The following TERB1 variants were observed in gnomAD, a reference collection of about 807,000 sequenced individuals.
The protein encoded by TERB1 is telomere repeat binding bouquet formation protein 1.
In TERB1, 63 loss-of-function variants were observed where a neutral mutation model predicts 92.3. That is an observed-to-expected ratio of 0.68 (90% CI 0.56 to 0.84). The LOEUF (loss-of-function observed/expected upper bound fraction) is 0.84. Among genes scored for constraint, TERB1 ranks in the 40% least tolerant of loss-of-function variants. The probability of loss-of-function intolerance (pLI) is 0.00; values close to 1 mark genes in which losing one functional copy is unlikely to be tolerated. For missense variants in TERB1, 709 were observed against 843.7 expected (o/e 0.84, Z 1.98); for synonymous variants, 252 against 283.9 (o/e 0.89, Z 1.13).
At chr16:66,771,499 A>G (rs1334144942) in intron 13 of TERB1, among the ~76,000 whole-genome samples, 1 of 152,184 alleles carries the variant, frequency 6.6e-6, no homozygotes, top group Non-Finnish European at 1.5e-5. Context: ...AACTTTCCCT[A>G]AAGTTCACAG....
At chr16:66,764,442 G>T (rs183903950) in intron 16 of TERB1, among the ~76,000 whole-genome samples, 1 of 152,268 alleles carries the variant, frequency 6.6e-6, no homozygotes, top group Admixed American at 6.5e-5. Context: ...AGTGGAAGCA[G>T]GACAAAATTC....
At chr16:66,783,845 C>T (rs2018677643) in intron 9 of TERB1, among the ~76,000 whole-genome samples, 1 of 152,224 alleles carries the variant, frequency 6.6e-6, no homozygotes, top group Non-Finnish European at 1.5e-5. Context: ...GATCCTCCCA[C>T]CTTAGTCTCC....
chr16:66,780,896 T>TG (rs2145179841), intron 9 of TERB1, among the ~76,000 whole-genome samples: 1 of 152,324 alleles, frequency 6.6e-6, no homozygotes, highest in South Asian at 2.1e-4. Flanking sequence ...TTCAAACACT[T>TG]GAATATAGAT....
intron 2 of TERB1, among the ~76,000 whole-genome samples, chr16:66,799,613 A>G (rs1348357697): frequency 6.6e-6 from 1 of 152,062 alleles, no homozygotes; most frequent in Non-Finnish European, 1.5e-5. Flanking sequence ...TTGTTTTTAT[A>G]CTTTTTTCTT....
rs1393020704 is a variant in TERB1 at position 66,774,580 on chromosome 16, G to A, written c.1111+538C>T. Among the ~76,000 whole-genome samples, 6 of 152,126 alleles carry A rather than the reference G, an allele frequency of 3.9e-5. No homozygotes were observed. The East Asian group carries it at 9.7e-4, about 24-fold the overall frequency. On this transcript the variant is annotated intron_variant, in intron 12 of 18. Transcript: ENST00000433154. ...TCCTGCAAACTAAATTTGTGCACAC[G>A]GCATAAAATAGTGAATTATCTATAC...
At chr16:66,767,571 G>A in intron 15 of TERB1, 61 bp from the exon 16 acceptor site, 1 of 782,992 alleles carries the variant, frequency 1.3e-6, no homozygotes, top group Non-Finnish European at 2.1e-6. Flanking sequence ...ATATTTTCAG[G>A]ATTTATTAAA....
In TERB1 at chr16:66,785,884, G is replaced by C. The variant is rs937991112; in HGVS notation, c.602C>G (p.Ser201Cys). 2.8e-5 allele frequency: 44 copies of C among 1,546,618 alleles called. No individual in the cohort carries two copies. Among genetic ancestry groups the C allele is most frequent in the Non-Finnish European group, 3.7e-5 (42 of 1,144,972 alleles). The change falls in exon 9 of 19, where the codon TCC becomes TGC. Residue 201 changes from serine to cysteine, a missense_variant. Coordinates refer to ENST00000433154, the MANE Select transcript of TERB1 (RefSeq NM_001136505.2). ...QNDENQMFCC[S>C]LFPHANEWLK... is the part of the protein sequence containing the mutation. ...CCATTCATTAGCATGTGGAAAAAGGGAACAGCAAAACATTTGATTCTCATC... is the reference window on the plus strand; with the variant it reads ...CCATTCATTAGCATGTGGAAAAAGGCAACAGCAAAACATTTGATTCTCATC...
chr16:66,798,182 C>CTT (rs10653807), intron 2 of TERB1, among the ~76,000 whole-genome samples: 71,589 of 142,854 alleles, frequency 0.5, 18,408 homozygotes, highest in African/African-American at 0.63. Flanking sequence ...TTATTTTTGC[C>CTT]TTTTTTTTTT....
chr16:66,754,788 CTGA>C lies in TERB1; in HGVS notation c.*185_*187del, dbSNP rs1458600198. On this transcript the variant is annotated 3_prime_UTR_variant, in exon 19 of 19. Coordinates refer to ENST00000433154, the MANE Select transcript of TERB1 (RefSeq NM_001136505.2). ...AGGAATTTTCTTACTAATCTGTACA[CTGA>C]TGATATATTTGCTTTATAAATCATT... is the stretch of plus-strand genomic sequence containing the variant. 3.4e-6 allele frequency: 2 copies of C among 588,772 alleles called. No homozygotes were observed. Among genetic ancestry groups the C allele is most frequent in the South Asian group, 2.3e-5 (1 of 43,586 alleles). The allele number at this position is 588,772 out of a possible 1,614,324, so 36.5% of individuals were successfully genotyped here.
intron 16 of TERB1, among the ~76,000 whole-genome samples, chr16:66,761,121 A>AAG (rs1555507501): frequency 6.7e-6 from 1 of 150,012 alleles, no homozygotes; most frequent in African/African-American, 2.4e-5. Context: ...AAAAAAAAAA[A>AAG]AAAAAGAAAA....
At chr16:66,775,366 G>T (rs2018528524) in intron 11 of TERB1, 123 bp from the exon 12 acceptor site, 2 of 829,526 alleles carry the variant, frequency 2.4e-6, no homozygotes, top group Non-Finnish European at 3.6e-6. Flanking sequence ...AGGAACGGTG[G>T]CTCACTCTTG....
intron 3 of TERB1, among the ~76,000 whole-genome samples, chr16:66,794,560 T>C (rs2018894178): frequency 6.6e-6 from 1 of 152,204 alleles, no homozygotes; most frequent in Admixed American, 6.5e-5. Context: ...CAAAGTAACC[T>C]AGTTCCTTCA....
At position 66,800,992 on chromosome 16, in the gene TERB1, A is replaced by G. The variant is rs938258203; in HGVS notation, c.-48T>C. The G allele has an allele frequency of 1.3e-5, 2 of 152,364 alleles. No individual in the cohort carries two copies. Among genetic ancestry groups the G allele is most frequent in the Non-Finnish European group, 2.9e-5 (2 of 68,182 alleles). The allele number at this position is 152,364 out of a possible 1,614,324, so 9.4% of individuals were successfully genotyped here. A position where few individuals can be genotyped will look rare whatever the true frequency, so the allele number is the denominator to read the frequency against. On this transcript the variant is annotated 5_prime_UTR_variant, in exon 2 of 19. Coordinates refer to ENST00000433154, the MANE Select transcript of TERB1 (RefSeq NM_001136505.2). Reference sequence around the variant, plus strand: ...GCCCGCTCACCTACAGAGTTGGATGAATTCCTTGTGCAGAGCTTAGGTGGC... The same window carrying G: ...GCCCGCTCACCTACAGAGTTGGATGGATTCCTTGTGCAGAGCTTAGGTGGC...
At chr16:66,793,246 C>G (rs1399424702) in intron 3 of TERB1, among the ~76,000 whole-genome samples, 1 of 109,556 alleles carries the variant, frequency 9.1e-6, no homozygotes, top group African/African-American at 3.7e-5. Flanking sequence ...GAGATGGAGT[C>G]TCGCTTTCTC....
At chr16:66,761,751 A>G (rs1388198396) in intron 16 of TERB1, among the ~76,000 whole-genome samples, 1 of 151,264 alleles carries the variant, frequency 6.6e-6, no homozygotes, top group Non-Finnish European at 1.5e-5. Context: ...TCACACCATT[A>G]CACAGAATAA....
Position 66,762,477 on chromosome 16 carries a change from T to C in TERB1, c.1781-3187A>G, listed in dbSNP as rs527344087. On this transcript the variant is annotated intron_variant, in intron 16 of 18. Transcript: ENST00000433154. Reference sequence around the variant, plus strand: ...CAGCTCACTTTTAGCCCTGACCTCCTGGGCTCAAGTGATCCTCCAGCCTCA... The same window carrying C: ...CAGCTCACTTTTAGCCCTGACCTCCCGGGCTCAAGTGATCCTCCAGCCTCA... 1.1e-4 allele frequency among the ~76,000 whole-genome samples: 16 copies of C among 151,480 alleles called. No individual in the cohort carries two copies. The South Asian group carries it at 3.4e-3, about 32-fold the overall frequency.
intron 17 of TERB1, 111 bp downstream of exon 17, chr16:66,759,030 T>A (rs1025572072): frequency 1.1e-5 from 12 of 1,092,030 alleles, no homozygotes; most frequent in African/African-American, 6.4e-5. Flanking sequence ...TAGAGACAGA[T>A]TTTCTTTTTA....
At chr16:66,778,053 T>C (rs1214219562) in intron 10 of TERB1, among the ~76,000 whole-genome samples, 1 of 152,176 alleles carries the variant, frequency 6.6e-6, no homozygotes, top group East Asian at 1.9e-4. Flanking sequence ...CCCTAGTTGT[T>C]TGTGAATAAT....
At chr16:66,787,444 G>A (rs1254026441) in intron 6 of TERB1, among the ~76,000 whole-genome samples, 1 of 152,142 alleles carries the variant, frequency 6.6e-6, no homozygotes. Context: ...CATTTTAAAT[G>A]CTTACAGAAT....
Sources: allele counts gnomAD v4.1 joint callset (sites outside exome capture counted in the v4.1 genomes callset), GRCh38; gene constraint gnomAD v4.1.1; transcripts MANE v1.5; gene names NCBI Gene and HGNC (gene_info 2026-07-23, HGNC 2026-07-21).